Variants in SLC5A8 observed in about 807,000 individuals in gnomAD.
The protein encoded by SLC5A8 is solute carrier family 5 member 8.
SLC5A8 carries 55 observed loss-of-function variants against 71.9 expected under a neutral mutation model. That is an observed-to-expected ratio of 0.77 (90% confidence interval 0.62 to 0.96). The LOEUF (loss-of-function observed/expected upper bound fraction) is 0.96. Ranked by LOEUF, SLC5A8 falls within the 40% of genes least tolerant of loss-of-function variation. SLC5A8 has a pLI of 0.00. For missense variants in SLC5A8, 701 were observed against 745.3 expected (o/e 0.94, Z 0.69); for synonymous variants, 307 against 276.1 (o/e 1.11, Z -1.11).
intron 9 of SLC5A8, 32 bp downstream of exon 9, chr12:101,182,771 G>T: frequency 6.8e-7 from 1 of 1,475,238 alleles, no homozygotes; most frequent in South Asian, 1.2e-5. Context: ...ATCTCTCTGA[G>T]CTAAAATGGA....
intron 5 of SLC5A8, among the ~76,000 whole-genome samples, chr12:101,192,410 G>T (rs952117409): frequency 1.3e-5 from 2 of 151,842 alleles, no homozygotes; most frequent in Admixed American, 6.6e-5. Context: ...TGCAAAATGG[G>T]TTTTTTTTTC....
At chr12:101,172,948 G>A (rs73391429) in intron 10 of SLC5A8, among the ~76,000 whole-genome samples, 33,208 of 152,038 alleles carry the variant, frequency 0.22, 3,802 homozygotes, top group South Asian at 0.32. Flanking sequence ...TGGCGGCTGT[G>A]CAAACTCACT....
intron 14 of SLC5A8, 136 bp from the exon 15 acceptor site, chr12:101,157,537 C>G (rs2051676923): frequency 9.3e-7 from 1 of 1,073,110 alleles, no homozygotes; most frequent in Non-Finnish European, 1.3e-6. Flanking sequence ...AAATATATAA[C>G]AGGTATACTT....
At chr12:101,167,988 G>T in intron 11 of SLC5A8, 108 bp downstream of exon 11, 1 of 1,035,836 alleles carries the variant, frequency 9.7e-7, no homozygotes, top group South Asian at 1.6e-5. Context: ...AAGTCATCAA[G>T]ACAAGTAGCT....
At chr12:101,157,479 T>A (rs1235557838) in intron 14 of SLC5A8, 78 bp from the exon 15 acceptor site, 10 of 1,468,012 alleles carry the variant, frequency 6.8e-6, no homozygotes, top group Non-Finnish European at 9.1e-6. Flanking sequence ...TAATTGTTTC[T>A]ACTATTTTTA....
rs191699140 is a variant in SLC5A8 at position 101,198,142 on chromosome 12, T to C, written c.470-2980A>G. 2.3e-4 allele frequency among the ~76,000 whole-genome samples: 35 copies of C among 151,978 alleles called. 1 individual carries two copies. Among genetic ancestry groups the C allele is most frequent in the African/African-American group, 8.4e-4 (35 of 41,502 alleles). The stretch of plus-strand genomic sequence containing the variant: ...TTGAGAACTAAATAAAAACACAAGG[T>C]ATCAAAATATATGGGCTGCAGATAA... On this transcript the variant is annotated intron_variant, in intron 3 of 14. Transcript: ENST00000536262.
intron 3 of SLC5A8, among the ~76,000 whole-genome samples, chr12:101,197,814 T>C (rs1869253111): frequency 6.6e-6 from 1 of 152,110 alleles, no homozygotes; most frequent in Admixed American, 6.6e-5. Flanking sequence ...ATATCAAAGA[T>C]GTGATAACAC....
intron 2 of SLC5A8, among the ~76,000 whole-genome samples, chr12:101,203,488 C>A (rs564265080): frequency 2.6e-5 from 4 of 152,302 alleles, no homozygotes; most frequent in Admixed American, 2.6e-4. Flanking sequence ...GCTGGGATTA[C>A]AGGCACCTGC....
At chr12:101,178,008 TA>T (rs1452007707) in intron 10 of SLC5A8, among the ~76,000 whole-genome samples, 2 of 151,974 alleles carry the variant, frequency 1.3e-5, no homozygotes, top group Non-Finnish European at 2.9e-5. Flanking sequence ...AACTAAACCA[TA>T]AAACAAAGAA....
At chr12:101,201,087 T>G in intron 3 of SLC5A8, among the ~76,000 whole-genome samples, 1 of 152,196 alleles carries the variant, frequency 6.6e-6, no homozygotes. Context: ...CTTCACAGAT[T>G]AAAGTCAGTC....
chr12:101,208,065 A>C (rs1180304769), intron 1 of SLC5A8, among the ~76,000 whole-genome samples: 1 of 152,102 alleles, frequency 6.6e-6, no homozygotes, highest in Non-Finnish European at 1.5e-5. Flanking sequence ...ATAGTCTGAA[A>C]TTATATTTTA....
At chr12:101,181,215 AT>A (rs1566314065) in intron 9 of SLC5A8, among the ~76,000 whole-genome samples, 3 of 152,238 alleles carry the variant, frequency 2.0e-5, no homozygotes, top group South Asian at 4.1e-4. Flanking sequence ...TTTTAAATTG[AT>A]TTTTTTGAAG....
intron 1 of SLC5A8, among the ~76,000 whole-genome samples, chr12:101,207,777 A>T (rs1869733580): frequency 6.6e-6 from 1 of 152,172 alleles, no homozygotes; most frequent in Non-Finnish European, 1.5e-5. Context: ...ATGTTGGAAT[A>T]TTCCTCCCAC....
chr12:101,210,178 CT>C lies in SLC5A8; in HGVS notation c.-331del. 1.9e-5 allele frequency: 6 copies of C among 316,560 alleles called. No homozygotes were observed. Among genetic ancestry groups the C allele is most frequent in the South Asian group, 1.5e-4 (1 of 6,690 alleles). 19.6% of individuals were successfully genotyped at this position (316,560 alleles called of 1,614,324 possible). On this transcript the variant is annotated 5_prime_UTR_variant, in exon 1 of 15. Transcript: ENST00000536262. Reference sequence around the variant, plus strand: ...CCGGGGACACCTGAGCAGATGAGAACTGGAGCCTCCAGCTGCTTCCAGCGAA... The same window carrying C: ...CCGGGGACACCTGAGCAGATGAGAACGGAGCCTCCAGCTGCTTCCAGCGAA...
chr12:101,167,955 A>C, intron 11 of SLC5A8, 141 bp downstream of exon 11: 1 of 818,700 alleles, frequency 1.2e-6, no homozygotes, highest in South Asian at 1.8e-5. Flanking sequence ...TGTACACTCC[A>C]CCAAAGTCAA....
intron 6 of SLC5A8, among the ~76,000 whole-genome samples, chr12:101,189,896 C>T (rs745580416): frequency 9.9e-5 from 15 of 152,166 alleles, no homozygotes; most frequent in Admixed American, 3.3e-4. Flanking sequence ...CAGTATTTTA[C>T]GACACCTCCC....
At position 101,156,864 on chromosome 12, in the gene SLC5A8, C is replaced by A; in HGVS notation, c.*415G>T. On this transcript the variant is annotated 3_prime_UTR_variant, in exon 15 of 15. Transcript: ENST00000536262. The stretch of plus-strand genomic sequence containing the variant: ...GTATGTGGTAGGAGGGAAAAAAGCT[C>A]TTTTCAAGATGAATTGTGATGTTGG... 6.1e-6 allele frequency: 1 copy of A among 164,080 alleles called. No individual in the cohort carries two copies. Among genetic ancestry groups the A allele is most frequent in the Non-Finnish European group, 1.3e-5 (1 of 74,804 alleles). The allele number at this position is 164,080 out of a possible 1,614,324, so 10.2% of individuals were successfully genotyped here.
chr12:101,207,664 T>C (rs1455921976), intron 1 of SLC5A8, among the ~76,000 whole-genome samples: 6 of 152,100 alleles, frequency 3.9e-5, no homozygotes, highest in African/African-American at 7.2e-5. Context: ...TTTCCAAGTT[T>C]GGGAATTGGT....
intron 12 of SLC5A8, among the ~76,000 whole-genome samples, 188 bp downstream of exon 12, chr12:101,166,306 A>G (rs1593362879): frequency 6.6e-6 from 1 of 152,208 alleles, no homozygotes; most frequent in East Asian, 1.9e-4. Context: ...AGAAATTTCT[A>G]GAGAAATTAT....
Sources: gnomAD v4.1 joint callset for allele counts (sites outside exome capture counted in the v4.1 genomes callset) on GRCh38, gnomAD v4.1.1 for gene constraint, MANE v1.5 for transcripts, NCBI Gene and HGNC (gene_info 2026-07-23, HGNC 2026-07-21) for gene names.